The following LIPT1 variants were observed in gnomAD, a reference collection of about 807,000 sequenced individuals.
LIPT1 encodes the protein lipoyl amidotransferase LIPT1, mitochondrial.
Under a neutral mutation model 25.1 loss-of-function variants are expected in LIPT1, and 22 were observed. The ratio of observed to expected loss-of-function variants is 0.88; its 90% CI spans 0.63 to 1.25. The LOEUF is 1.25. Among genes scored for constraint, LIPT1 ranks in the 50% most tolerant of loss-of-function variants. The pLI is 0.00. For synonymous variants in LIPT1, 131 were observed against 150.8 expected, an observed-to-expected ratio of 0.87 and a Z score of 0.96; for missense variants, 399 against 432.8, an observed-to-expected ratio of 0.92 and a Z score of 0.69.
At chr2:99,159,210 C>T (rs990897205) in intron 1 of LIPT1, among the ~76,000 whole-genome samples, 1 of 150,892 alleles carries the variant, frequency 6.6e-6, no homozygotes, top group Non-Finnish European at 1.5e-5. Flanking sequence ...ACTACAGGCA[C>T]CTGCCACCAT....
intron 1 of LIPT1, 142 bp from the exon 2 acceptor site, chr2:99,161,815 C>A: frequency 1.6e-6 from 1 of 613,882 alleles, no homozygotes; most frequent in Non-Finnish European, 2.8e-6. Context: ...TTGCTAAAGA[C>A]TAATTGTAAA....
Position 99,162,672 on chromosome 2 carries a change from C to G in LIPT1, c.715C>G (p.His239Asp), listed in dbSNP as rs2105201604. 1 of 1,614,098 alleles carries G rather than the reference C, an allele frequency of 6.2e-7. No homozygotes were observed. The highest frequency in any genetic ancestry group is 8.5e-7 in the Non-Finnish European group (1 of 1,179,972). ...TGTTGCTACAGAGTATGCTGCTTAT[C>G]ATCAAATTGATAATCACATTCACCT... ...NAVATEYAAYHQIDNHIHLIN... is the reference protein window; with the variant it reads ...NAVATEYAAYDQIDNHIHLIN... Residue 239 changes from histidine to aspartate, a missense_variant, in exon 2 of 2, where the codon CAT (histidine) becomes GAT (aspartate). Physicochemically the swap from His to Asp is moderately conservative, Grantham distance 81. Transcript: ENST00000651691.
At chr2:99,160,077 T>C (rs932451511) in intron 1 of LIPT1, among the ~76,000 whole-genome samples, 7 of 152,228 alleles carry the variant, frequency 4.6e-5, no homozygotes, top group African/African-American at 1.7e-4. Flanking sequence ...TGAAGACTCT[T>C]TAATCTAGAA....
Position 99,162,108 on chromosome 2 carries a change from A to T in LIPT1, c.151A>T (p.Ile51Phe). 1.9e-6 allele frequency: 3 copies of T among 1,614,116 alleles called. No homozygotes were observed. The highest frequency in any genetic ancestry group is 2.5e-6 in the Non-Finnish European group (3 of 1,180,020). The change falls in exon 2 of 2, where the codon ATC (isoleucine) becomes TTC (phenylalanine). Residue 51 changes from isoleucine (I) to phenylalanine (F), a missense_variant. Coordinates refer to ENST00000651691, the MANE Select transcript of LIPT1 (RefSeq NM_145199.3). ...VYQNLAVEDWIHDHMNLEGKP... is the reference protein window; with the variant it reads ...VYQNLAVEDWFHDHMNLEGKP... ...TCAAAATCTGGCTGTGGAAGACTGG[A>T]TCCATGACCATATGAATCTAGAAGG...
At chr2:99,160,253 T>A (rs1266368800) in intron 1 of LIPT1, among the ~76,000 whole-genome samples, 1 of 152,030 alleles carries the variant, frequency 6.6e-6, no homozygotes, top group Non-Finnish European at 1.5e-5. Flanking sequence ...ACAAAAAATT[T>A]AAAAATTAGC....
At chr2:99,157,545 C>A (rs1180066897) in intron 1 of LIPT1, among the ~76,000 whole-genome samples, 1 of 152,230 alleles carries the variant, frequency 6.6e-6, no homozygotes, top group Non-Finnish European at 1.5e-5. Context: ...TGGTTCTTAC[C>A]AAGATCACTG....
chr2:99,161,912 T>C, intron 1 of LIPT1, 45 bp from the exon 2 acceptor site: 1 of 1,450,442 alleles, frequency 6.9e-7, no homozygotes. Flanking sequence ...AATTTAATGT[T>C]CCTTTTCTCG....
Position 99,162,955 on chromosome 2 carries a change from G to A in LIPT1, c.998G>A (p.Gly333Asp), listed in dbSNP as rs767018679. Reference protein sequence around the residue: ...IRDKLNSSLIGSKFCPTETTM... With the variant: ...IRDKLNSSLIDSKFCPTETTM... Reference sequence around the variant, plus strand: ...GACAAATTAAATTCAAGTCTTATTGGCAGTAAGTTTTGCCCAACTGAAACT... The same window carrying A: ...GACAAATTAAATTCAAGTCTTATTGACAGTAAGTTTTGCCCAACTGAAACT... Residue 333 changes from glycine (G) to aspartate (D), a missense_variant, in exon 2 of 2, where the codon GGC becomes GAC. Transcript: ENST00000651691. 1 of 1,613,864 alleles carries A rather than the reference G, an allele frequency of 6.2e-7. No individual in the cohort carries two copies. Among genetic ancestry groups the A allele is most frequent in the Non-Finnish European group, 8.5e-7 (1 of 1,179,958 alleles).
At position 99,163,128 on chromosome 2, in the gene LIPT1, C is replaced by A; in HGVS notation, c.*49C>A. 8.6e-7 allele frequency: 1 copy of A among 1,160,788 alleles called. No homozygotes were observed. The highest frequency in any genetic ancestry group is 1.2e-6 in the Non-Finnish European group (1 of 862,008). The allele number at this position is 1,160,788 out of a possible 1,614,324, so 71.9% of individuals were successfully genotyped here. ...GTTTCAATTAGAAAATAAAATGTCT[C>A]ATACTTGCACATTGTATGTCAAAAA... On this transcript the variant is annotated 3_prime_UTR_variant, in exon 2 of 2. Coordinates refer to ENST00000651691, the MANE Select transcript of LIPT1 (RefSeq NM_145199.3).
In LIPT1 at chr2:99,155,023, G is replaced by T. The variant is rs1377634908; in HGVS notation, c.-30G>T. ...GCACTTTTCCAGCTCGAGCCCTCAC[G>T]AGGCCGTGGGTACGACCGGAAGCCG... On this transcript the variant is annotated 5_prime_UTR_variant, in exon 1 of 2. It introduces an in-frame stop codon into an upstream open reading frame of the 5' UTR. Transcript: ENST00000651691. 2 of 455,912 alleles carry T rather than the reference G, an allele frequency of 4.4e-6. No homozygotes were observed. Among genetic ancestry groups the T allele is most frequent in the African/African-American group, 4.0e-5 (2 of 50,082 alleles). The allele number at this position is 455,912 out of a possible 1,614,324, so 28.2% of individuals were successfully genotyped here. A position where few individuals can be genotyped will look rare whatever the true frequency, so the allele number is the denominator to read the frequency against.
chr2:99,158,483 G>C (rs947547784), intron 1 of LIPT1, among the ~76,000 whole-genome samples: 1 of 150,484 alleles, frequency 6.6e-6, no homozygotes, highest in Admixed American at 6.6e-5. Flanking sequence ...GCTGGCTAAA[G>C]GGGGAGGATT....
In LIPT1 at chr2:99,163,126, C is replaced by T. The variant is rs775460520; in HGVS notation, c.*47C>T. The T allele has an allele frequency of 2.6e-4, 341 of 1,287,902 alleles. No homozygotes were observed. The highest frequency in any genetic ancestry group is 3.4e-4 in the Non-Finnish European group (329 of 957,616). 79.8% of individuals were successfully genotyped at this position (1,287,902 alleles called of 1,614,324 possible). On this transcript the variant is annotated 3_prime_UTR_variant, in exon 2 of 2. Coordinates refer to ENST00000651691, the MANE Select transcript of LIPT1 (RefSeq NM_145199.3). Reference sequence around the variant, plus strand: ...CAGTTTCAATTAGAAAATAAAATGTCTCATACTTGCACATTGTATGTCAAA... The same window carrying T: ...CAGTTTCAATTAGAAAATAAAATGTTTCATACTTGCACATTGTATGTCAAA...
intron 1 of LIPT1, 111 bp downstream of exon 1, chr2:99,155,162 G>A: frequency 2.4e-6 from 1 of 424,866 alleles, no homozygotes; most frequent in Non-Finnish European, 4.7e-6. Context: ...GGACTTGCGG[G>A]TCGCCTCCGC....
In LIPT1 at chr2:99,162,470, G is replaced by C. The variant is rs751485213; in HGVS notation, c.513G>C (p.Arg171=). The change falls in exon 2 of 2, where the codon CGG becomes CGC. Residue 171 remains arginine, a synonymous_variant. Transcript: ENST00000651691. ...KISGTASKIG[R]TTAYHHCTLL... ...CAGGAACAGCTTCTAAGATCGGCCG[G>C]ACTACTGCCTATCACCATTGCACTT... 3 of 1,613,940 alleles carry C rather than the reference G, an allele frequency of 1.9e-6. No individual in the cohort carries two copies. The highest frequency in any genetic ancestry group is 1.1e-5 in the South Asian group (1 of 91,092).
chr2:99,156,901 G>A (rs541539489), intron 1 of LIPT1: 2 of 152,338 alleles, frequency 1.3e-5, no homozygotes, highest in East Asian at 1.9e-4. Flanking sequence ...TTGTTCACTT[G>A]AGGGAATACA....
chr2:99,160,322 T>A lies in LIPT1; in HGVS notation c.-1-1635T>A, dbSNP rs145857092. Among the ~76,000 whole-genome samples, 80 of 152,252 alleles carry A rather than the reference T, an allele frequency of 5.3e-4. 4 individuals are homozygous for A. In the East Asian group the frequency reaches 0.014, roughly 26 times the overall value. On this transcript the variant is annotated intron_variant, in intron 1 of 1. Transcript: ENST00000651691. ...GCTTCAGAGGCTGAGATGTGGAGAT[T>A]GCTTGAGCCCAGGAGGTCGAGGCTG...
chr2:99,157,499 G>A (rs538485619), intron 1 of LIPT1, among the ~76,000 whole-genome samples: 1 of 152,086 alleles, frequency 6.6e-6, no homozygotes, highest in South Asian at 2.1e-4. Context: ...TACCCTCATT[G>A]TATCCACCTT....
Position 99,162,836 on chromosome 2 carries a change from C to T in LIPT1, c.879C>T (p.His293=), listed in dbSNP as rs769457641. The change falls in exon 2 of 2, where the codon CAC becomes CAT. Residue 293 remains histidine (H), a synonymous_variant. Transcript: ENST00000651691. ...TSFHVLYEQS[H]LEIKVFIDIK... ...TTCATGTGTTATATGAACAGTCACA[C>T]TTGGAAATTAAAGTATTCATAGACA... 2 of 1,613,610 alleles carry T rather than the reference C, an allele frequency of 1.2e-6. No homozygotes were observed. The highest frequency in any genetic ancestry group is 2.2e-5 in the South Asian group (2 of 91,050).
chr2:99,158,975 C>T (rs746183200), intron 1 of LIPT1, among the ~76,000 whole-genome samples: 4 of 152,140 alleles, frequency 2.6e-5, no homozygotes, highest in African/African-American at 4.8e-5. Flanking sequence ...GTCGCCCAGG[C>T]TGGAGTGTAG....
Sources: allele counts gnomAD v4.1 joint callset (sites outside exome capture counted in the v4.1 genomes callset), GRCh38; gene constraint gnomAD v4.1.1; transcripts MANE v1.5; gene names NCBI Gene and HGNC (gene_info 2026-07-23, HGNC 2026-07-21).